Variants in TMEM132D observed in about 807,000 individuals in gnomAD.
TMEM132D encodes the protein transmembrane protein 132D.
A neutral mutation model predicts 62.3 loss-of-function variants in TMEM132D; 21 were observed. That is an observed-to-expected ratio of 0.34 (90% confidence interval 0.24 to 0.49). TMEM132D has a LOEUF of 0.49. Among genes scored for constraint, TMEM132D ranks in the 20% least tolerant of loss-of-function variants. The probability of loss-of-function intolerance (pLI) is 0.99; values close to 1 mark genes in which losing one functional copy is unlikely to be tolerated. For missense variants in TMEM132D, 1,346 were observed against 1,402.8 expected, an observed-to-expected ratio of 0.96 and a Z score of 0.65; for synonymous variants, 621 against 575.6, an observed-to-expected ratio of 1.08 and a Z score of -1.13.
chr12:129,765,240 A>G (rs1005608831), intron 1 of TMEM132D, among the ~76,000 whole-genome samples: 2 of 152,170 alleles, frequency 1.3e-5, no homozygotes, highest in African/African-American at 4.8e-5. Context: ...GTTGTAGGTA[A>G]TTTATAGCAA....
At chr12:129,729,519 A>G (rs1273716588) in intron 1 of TMEM132D, among the ~76,000 whole-genome samples, 4 of 149,606 alleles carry the variant, frequency 2.7e-5, no homozygotes, top group Non-Finnish European at 3.0e-5. Flanking sequence ...TGGTCTAGTC[A>G]TACTGGAATA....
At chr12:129,789,930 C>T (rs1054577923) in intron 1 of TMEM132D, among the ~76,000 whole-genome samples, 3 of 152,188 alleles carry the variant, frequency 2.0e-5, no homozygotes, top group Non-Finnish European at 4.4e-5. Flanking sequence ...TAAATTAGCA[C>T]AGAGATTATT....
chr12:129,758,885 T>C (rs1032469648), intron 1 of TMEM132D, among the ~76,000 whole-genome samples: 1 of 152,132 alleles, frequency 6.6e-6, no homozygotes, highest in African/African-American at 2.4e-5. Context: ...ACTGAATCAA[T>C]TGAAAGGCAA....
intron 4 of TMEM132D, among the ~76,000 whole-genome samples, chr12:129,313,073 G>A (rs779913931): frequency 3.0e-4 from 45 of 152,126 alleles, no homozygotes; most frequent in African/African-American, 9.2e-4. Flanking sequence ...GTTTGATTCC[G>A]GACACACTAG....
Position 129,215,778 on chromosome 12 carries a change from A to G in TMEM132D, c.1300-6115T>C, listed in dbSNP as rs572305263. Among the ~76,000 whole-genome samples the G allele has an allele frequency of 3.9e-5, 6 of 152,350 alleles. No individual in the cohort carries two copies. In the East Asian group the frequency reaches 1.2e-3, roughly 29 times the overall value. ...AAAGAGGTTTAATGGACTCAGTTCC[A>G]GGTGGCTGGGGAGGCCTCACAGTCA... On this transcript the variant is annotated intron_variant, in intron 4 of 8. Coordinates refer to ENST00000422113, the MANE Select transcript of TMEM132D (RefSeq NM_133448.3).
chr12:129,605,851 G>A (rs920122820), intron 2 of TMEM132D, among the ~76,000 whole-genome samples: 1 of 151,978 alleles, frequency 6.6e-6, no homozygotes, highest in East Asian at 1.9e-4. Context: ...AAGTAAACAA[G>A]CTTAGATTCC....
At chr12:129,241,700 A>G (rs147469502) in intron 4 of TMEM132D, among the ~76,000 whole-genome samples, 137 of 152,256 alleles carry the variant, frequency 9.0e-4, no homozygotes, top group African/African-American at 3.0e-3. Flanking sequence ...ATAAAATTTT[A>G]TATTTATTTC....
At chr12:129,306,895 G>A (rs1019555032) in intron 4 of TMEM132D, among the ~76,000 whole-genome samples, 2 of 152,154 alleles carry the variant, frequency 1.3e-5, no homozygotes, top group South Asian at 2.1e-4. Flanking sequence ...GTGAGCGCCC[G>A]ACTGGCCAAG....
At chr12:129,620,519 A>C (rs1006862630) in intron 2 of TMEM132D, among the ~76,000 whole-genome samples, 1 of 152,166 alleles carries the variant, frequency 6.6e-6, no homozygotes. Context: ...GAATCACTTG[A>C]ACCCGGGAGG....
chr12:129,141,882 T>C (rs1034370558), intron 5 of TMEM132D, among the ~76,000 whole-genome samples: 2 of 151,514 alleles, frequency 1.3e-5, no homozygotes, highest in Non-Finnish European at 2.9e-5. Context: ...AATATACACA[T>C]GCAATAAACC....
intron 3 of TMEM132D, among the ~76,000 whole-genome samples, chr12:129,432,415 T>C (rs191612893): frequency 6.6e-6 from 1 of 152,010 alleles, no homozygotes; most frequent in East Asian, 1.9e-4. Flanking sequence ...GAGAGAAGAG[T>C]GGGTTTTTGT....
chr12:129,198,507 G>T (rs1037497195), intron 5 of TMEM132D, among the ~76,000 whole-genome samples: 1 of 152,056 alleles, frequency 6.6e-6, no homozygotes, highest in Non-Finnish European at 1.5e-5. Context: ...TATCATTTTT[G>T]ACAATATGCA....
At chr12:129,677,384 C>A (rs1216595433) in intron 2 of TMEM132D, among the ~76,000 whole-genome samples, 2 of 152,176 alleles carry the variant, frequency 1.3e-5, no homozygotes, top group African/African-American at 2.4e-5. Flanking sequence ...GCCTCCCCAA[C>A]CATGTGGAAC....
chr12:129,213,593 C>A (rs1226402594), intron 4 of TMEM132D, among the ~76,000 whole-genome samples: 1 of 152,204 alleles, frequency 6.6e-6, no homozygotes, highest in East Asian at 1.9e-4. Context: ...ATTCTGCTGG[C>A]TGAAAGATTG....
chr12:129,188,765 GAGAGAGAGAGAGA>G (rs1565991804), intron 5 of TMEM132D, among the ~76,000 whole-genome samples: 5 of 2,352 alleles, frequency 2.1e-3, no homozygotes, highest in Middle Eastern at 0.25. Context: ...GAGAGAGGGA[GAGAGAGAGAGAGA>G]GAGAGAGAGA....
intron 4 of TMEM132D, among the ~76,000 whole-genome samples, chr12:129,328,865 C>T (rs958104845): frequency 1.3e-5 from 2 of 151,934 alleles, no homozygotes; most frequent in Non-Finnish European, 2.9e-5. Context: ...AGCTGGGTAG[C>T]TTGGGGCCAT....
At chr12:129,704,645 A>G (rs1177441258) in intron 1 of TMEM132D, among the ~76,000 whole-genome samples, 1 of 152,186 alleles carries the variant, frequency 6.6e-6, no homozygotes, top group African/African-American at 2.4e-5. Context: ...GGGCATGTCA[A>G]CACCCCAGAG....
intron 3 of TMEM132D, among the ~76,000 whole-genome samples, chr12:129,359,924 C>T (rs1007519060): frequency 6.7e-6 from 1 of 149,772 alleles, no homozygotes; most frequent in Non-Finnish European, 1.5e-5. Context: ...TAATAATAAG[C>T]ACAAAATAAT....
intron 1 of TMEM132D, among the ~76,000 whole-genome samples, chr12:129,737,403 A>G (rs182374549): frequency 1.7e-3 from 266 of 152,340 alleles, no homozygotes; most frequent in African/African-American, 6.1e-3. Context: ...GAACACTTGA[A>G]ATATTTCACA....
Sources: allele counts gnomAD v4.1 joint callset (sites outside exome capture counted in the v4.1 genomes callset), GRCh38; gene constraint gnomAD v4.1.1; transcripts MANE v1.5; gene names NCBI Gene and HGNC (gene_info 2026-07-23, HGNC 2026-07-21).